TDG: variants seen among roughly 807,000 people sequenced by gnomAD.
The protein encoded by TDG is thymine DNA glycosylase, also known as G/T mismatch-specific thymine DNA glycosylase.
In TDG, 23 loss-of-function variants were observed where a neutral mutation model predicts 46.1. The observed-to-expected ratio is 0.50, with a 90% CI of 0.36 to 0.71. The LOEUF is 0.71. Among genes scored for constraint, TDG ranks in the 30% least tolerant of loss-of-function variants. TDG has a pLI of 0.00. For synonymous variants in TDG, 115 were observed against 161.3 expected (o/e 0.71, Z 2.18); for missense variants, 304 against 486.7 (o/e 0.62, Z 3.53).
intron 1 of TDG, among the ~76,000 whole-genome samples, chr12:103,972,299 A>G (rs1871322382): frequency 6.6e-6 from 1 of 152,128 alleles, no homozygotes; most frequent in South Asian, 2.1e-4. Flanking sequence ...TTGTATTTTT[A>G]GTAGAGATGG....
rs376801347 is a variant in TDG, at chr12:103,979,252, G to A, written c.167-579G>A. 1.6e-4 allele frequency among the ~76,000 whole-genome samples: 25 copies of A among 151,936 alleles called. 1 individual carries two copies. Among genetic ancestry groups the A allele is most frequent in the African/African-American group, 5.5e-4 (23 of 41,454 alleles). On this transcript the variant is annotated intron_variant, in intron 2 of 9. Coordinates refer to ENST00000392872, the MANE Select transcript of TDG (RefSeq NM_003211.6). ...CGAGTAGTTGGAATTACAGGTGCACGACACCATGCCTGGCTAATTTTTGTA... is the reference window on the plus strand; with the variant it reads ...CGAGTAGTTGGAATTACAGGTGCACAACACCATGCCTGGCTAATTTTTGTA...
chr12:103,975,424 T>G (rs1871487526), intron 1 of TDG, among the ~76,000 whole-genome samples: 2 of 152,104 alleles, frequency 1.3e-5, no homozygotes, highest in South Asian at 2.1e-4. Flanking sequence ...ACAGTAGAGG[T>G]TTTTTTGGCT....
At chr12:103,985,857 A>G in intron 9 of TDG, 129 bp downstream of exon 9, 1 of 1,019,960 alleles carries the variant, frequency 9.8e-7, no homozygotes, top group South Asian at 2.7e-5. Flanking sequence ...TTTAGTGACT[A>G]ATAGTGAAAA....
At chr12:103,974,773 A>T (rs1487490200) in intron 1 of TDG, among the ~76,000 whole-genome samples, 1 of 152,008 alleles carries the variant, frequency 6.6e-6, no homozygotes, top group East Asian at 1.9e-4. Flanking sequence ...GATTGAGACC[A>T]TCCTGGCTAA....
rs1342939166 is a variant in TDG, at chr12:103,977,062, T to C, written c.166+2T>C. On this transcript the variant is annotated splice_donor_variant, in intron 2 of 9. Coordinates refer to ENST00000392872, the MANE Select transcript of TDG (RefSeq NM_003211.6). LOFTEE classifies it high-confidence loss of function. ...CTCCTGCTCAGGAACCAGTGCAAGG[T>C]AGTTTCACCATGAGAGCTTAGAAAG... 1 of 1,605,626 alleles carries C rather than the reference T, an allele frequency of 6.2e-7. No homozygotes were observed. Among genetic ancestry groups the C allele is most frequent in the African/African-American group, 1.3e-5 (1 of 74,264 alleles).
At chr12:103,983,714 A>T (rs1871976895) in intron 7 of TDG, among the ~76,000 whole-genome samples, 1 of 152,234 alleles carries the variant, frequency 6.6e-6, no homozygotes, top group Admixed American at 6.5e-5. Flanking sequence ...TAGCCCTCGT[A>T]CTGTTGTGAA....
chr12:103,978,880 C>T, intron 2 of TDG, among the ~76,000 whole-genome samples: 1 of 151,954 alleles, frequency 6.6e-6, no homozygotes, highest in African/African-American at 2.4e-5. Context: ...TGCAGTACAG[C>T]CACCCACAAC....
At chr12:103,985,851 G>C (rs1872128954) in intron 9 of TDG, 123 bp downstream of exon 9, 3 of 1,058,776 alleles carry the variant, frequency 2.8e-6, no homozygotes, top group South Asian at 5.3e-5. Flanking sequence ...ATTTTATTTA[G>C]TGACTAATAG....
At chr12:103,969,574 G>A (rs1871203149) in intron 1 of TDG, among the ~76,000 whole-genome samples, 1 of 152,192 alleles carries the variant, frequency 6.6e-6, no homozygotes, top group Non-Finnish European at 1.5e-5. Context: ...TTAACTGATT[G>A]ATTTAATCAG....
intron 5 of TDG, 54 bp downstream of exon 5, chr12:103,982,988 C>T: frequency 6.2e-7 from 1 of 1,603,906 alleles, no homozygotes; most frequent in African/African-American, 1.3e-5. Flanking sequence ...TGCTGGTGCC[C>T]CAAATATTCT....
intron 8 of TDG, among the ~76,000 whole-genome samples, 154 bp from the exon 9 acceptor site, chr12:103,985,449 A>G (rs1289073513): frequency 6.6e-6 from 1 of 152,184 alleles, no homozygotes; most frequent in Non-Finnish European, 1.5e-5. Context: ...TTATGTGTTT[A>G]TTTAGTACAT....
At chr12:103,986,840 A>G (rs1872176436) in intron 9 of TDG, 108 bp from the exon 10 acceptor site, 2 of 1,213,142 alleles carry the variant, frequency 1.6e-6, no homozygotes, top group Non-Finnish European at 2.3e-6. Flanking sequence ...AGCTGTGATC[A>G]TGCCACTGCA....
Position 103,966,068 on chromosome 12 carries a change from C to A in TDG, c.23+8C>A. On this transcript the variant is annotated splice_region_variant and intron_variant, in intron 1 of 9. Coordinates refer to ENST00000392872, the MANE Select transcript of TDG (RefSeq NM_003211.6). The stretch of plus-strand genomic sequence containing the variant: ...AGCGGAGAACGCGGGCAGGTAATAC[C>A]GGGGCCAGCGCCGCCCCTCCCTTGC... 1 of 1,576,258 alleles carries A rather than the reference C, an allele frequency of 6.3e-7. No homozygotes were observed. Among genetic ancestry groups the A allele is most frequent in the Non-Finnish European group, 8.6e-7 (1 of 1,160,672 alleles).
intron 3 of TDG, 57 bp downstream of exon 3, chr12:103,980,129 TA>T (rs1300953426): frequency 6.3e-7 from 1 of 1,599,038 alleles, no homozygotes; most frequent in Non-Finnish European, 8.5e-7. Flanking sequence ...CAGCTTTACT[TA>T]ACAGTTGTCC....
intron 3 of TDG, 164 bp downstream of exon 3, chr12:103,980,236 T>A: frequency 1.1e-6 from 1 of 929,008 alleles, no homozygotes; most frequent in Non-Finnish European, 1.6e-6. Flanking sequence ...TGAGAGTGTT[T>A]AAGAGGGTGG....
intron 4 of TDG, among the ~76,000 whole-genome samples, chr12:103,982,493 G>T (rs1186437571): frequency 6.6e-6 from 1 of 152,104 alleles, no homozygotes; most frequent in African/African-American, 2.4e-5. Context: ...AAATCCAAGC[G>T]CTGTGGCTCA....
chr12:103,967,825 T>G (rs1350858432), intron 1 of TDG: 6 of 60,036 alleles, frequency 1.0e-4, no homozygotes, highest in African/African-American at 2.4e-4. Flanking sequence ...ACAGACTTTT[T>G]TTTTTGTTTT....
chr12:103,967,000 A>G (rs554409338), intron 1 of TDG, among the ~76,000 whole-genome samples: 64 of 152,326 alleles, frequency 4.2e-4, no homozygotes, highest in Non-Finnish European at 7.2e-4. Flanking sequence ...AAAGAGATAT[A>G]TGTAGACAAA....
At chr12:103,971,188 C>T (rs1871269978) in intron 1 of TDG, among the ~76,000 whole-genome samples, 2 of 152,170 alleles carry the variant, frequency 1.3e-5, no homozygotes, top group Admixed American at 1.3e-4. Context: ...AAACTAGGTA[C>T]ATACCACAGT....
Sources: allele counts gnomAD v4.1 joint callset (sites outside exome capture counted in the v4.1 genomes callset), GRCh38; gene constraint gnomAD v4.1.1; transcripts MANE v1.5; gene names NCBI Gene and HGNC (gene_info 2026-07-23, HGNC 2026-07-21).